The following SIK2 variants were observed in gnomAD, a reference collection of about 807,000 sequenced individuals.
SIK2 encodes the protein serine/threonine-protein kinase SIK2.
SIK2 carries 29 observed loss-of-function variants against 103.2 expected under a neutral mutation model. The ratio of observed to expected loss-of-function variants is 0.28; its 90% CI spans 0.21 to 0.38. The LOEUF (loss-of-function observed/expected upper bound fraction) is 0.38. SIK2 is among the 10% of genes least tolerant of loss of function. The pLI is 1.00. For synonymous variants in SIK2, 412 were observed against 446.1 expected (o/e 0.92, Z 0.96); for missense variants, 879 against 1,171.0 (o/e 0.75, Z 3.64).
intron 1 of SIK2, among the ~76,000 whole-genome samples, chr11:111,605,810 G>A (rs1941641793): frequency 6.6e-6 from 1 of 152,156 alleles, no homozygotes; most frequent in African/African-American, 2.4e-5. Flanking sequence ...CGTTTTGGTC[G>A]AATCTATCAA....
chr11:111,612,915 GATATATATATATATATAT>G (rs67675103), intron 1 of SIK2, among the ~76,000 whole-genome samples: 2 of 50,028 alleles, frequency 4.0e-5, no homozygotes, highest in Admixed American at 2.4e-4. Flanking sequence ...ATAGCAATGG[GATATATATATATATATAT>G]ATATATATAT....
intron 3 of SIK2, among the ~76,000 whole-genome samples, chr11:111,655,101 C>CA: frequency 6.6e-6 from 1 of 152,090 alleles, no homozygotes; most frequent in Middle Eastern, 3.4e-3. Context: ...TAAAATTTTT[C>CA]AAAAAAATGT....
At chr11:111,646,356 G>A (rs542639061) in intron 3 of SIK2, among the ~76,000 whole-genome samples, 22 of 152,302 alleles carry the variant, frequency 1.4e-4, no homozygotes, top group African/African-American at 3.6e-4. Context: ...GGCTGAAGCA[G>A]GAGAATCGCT....
chr11:111,723,893 T>G lies in SIK2; in HGVS notation c.2545T>G (p.Cys849Gly). The G allele has an allele frequency of 6.2e-7, 1 of 1,613,656 alleles. No homozygotes were observed. The highest frequency in any genetic ancestry group is 8.5e-7 in the Non-Finnish European group (1 of 1,179,810). Residue 849 changes from cysteine to glycine, a missense_variant, in exon 15 of 15, where the codon TGT (cysteine) becomes GGT (glycine). Cys to Gly is a radical substitution (Grantham distance 159). This residue lies in a region of SIK2 where 375 missense variants were observed against 416.3 expected (regional missense o/e 0.90). Coordinates refer to ENST00000304987, the MANE Select transcript of SIK2 (RefSeq NM_015191.3). ...PAPLQFSYQTCELPSAASPAP... is the reference protein window; with the variant it reads ...PAPLQFSYQTGELPSAASPAP... ...CCCCTTACAGTTCTCCTATCAGACT[T>G]GTGAGCTGCCAAGCGCTGCTTCCCC...
In SIK2 at chr11:111,729,339, C is replaced by T. The variant is rs1309144375; in HGVS notation, c.*5210C>T. ...AGGGAGAGCTGTGATGGGTTCTGCCCAGATACTCTGCTCGCCCACCCACAA... is the reference window on the plus strand; with the variant it reads ...AGGGAGAGCTGTGATGGGTTCTGCCTAGATACTCTGCTCGCCCACCCACAA... On this transcript the variant is annotated 3_prime_UTR_variant, in exon 15 of 15. Coordinates refer to ENST00000304987, the MANE Select transcript of SIK2 (RefSeq NM_015191.3). The T allele has an allele frequency of 2.6e-5, 4 of 152,240 alleles. No homozygotes were observed. Among genetic ancestry groups the T allele is most frequent in the African/African-American group, 9.7e-5 (4 of 41,450 alleles). 9.4% of individuals were successfully genotyped at this position (152,240 alleles called of 1,614,324 possible).
At chr11:111,649,175 T>C (rs935703922) in intron 3 of SIK2, among the ~76,000 whole-genome samples, 82 of 152,310 alleles carry the variant, frequency 5.4e-4, no homozygotes, top group African/African-American at 1.8e-3. Flanking sequence ...CTTTTTTCTG[T>C]GCATTTGTCT....
rs912005872 is a variant in SIK2, at chr11:111,722,988, C to T, written c.2147+232C>T. Reference sequence around the variant, plus strand: ...GTACTTTGTTTTCCTTTTCTTCTAGCGTTTCCTCTTTGGGGTATGACTAGC... The same window carrying T: ...GTACTTTGTTTTCCTTTTCTTCTAGTGTTTCCTCTTTGGGGTATGACTAGC... On this transcript the variant is annotated intron_variant, in intron 14 of 14. Coordinates refer to ENST00000304987, the MANE Select transcript of SIK2 (RefSeq NM_015191.3). This position sits in a 1 kb window ranked among gnomAD's most constrained non-coding sequence, Gnocchi z 4.4. 5.3e-5 allele frequency among the ~76,000 whole-genome samples: 8 copies of T among 152,198 alleles called. No individual in the cohort carries two copies. Among genetic ancestry groups the T allele is most frequent in the African/African-American group, 1.7e-4 (7 of 41,438 alleles).
intron 7 of SIK2, among the ~76,000 whole-genome samples, chr11:111,704,400 G>A (rs1943291565): frequency 6.6e-6 from 1 of 152,176 alleles, no homozygotes; most frequent in South Asian, 2.1e-4. Flanking sequence ...GAACATTTGG[G>A]AAGCAACTTT....
intron 3 of SIK2, among the ~76,000 whole-genome samples, chr11:111,654,611 A>G (rs986742366): frequency 6.6e-6 from 1 of 152,246 alleles, no homozygotes; most frequent in African/African-American, 2.4e-5. Context: ...TTGTTTAATC[A>G]GTATAAAACA....
intron 1 of SIK2, among the ~76,000 whole-genome samples, chr11:111,609,434 A>G (rs1401542426): frequency 6.6e-6 from 1 of 151,800 alleles, no homozygotes; most frequent in African/African-American, 2.4e-5. Flanking sequence ...TGATCTTCCC[A>G]CTTCAGCCTT....
chr11:111,668,176 A>AGG (rs1555030379), intron 3 of SIK2, among the ~76,000 whole-genome samples: 2,916 of 44,324 alleles, frequency 0.066, 49 homozygotes, highest in African/African-American at 0.097. Context: ...AACTAAAGTA[A>AGG]GGAGTGTGTG....
chr11:111,636,558 CA>C (rs1942111378), intron 3 of SIK2, among the ~76,000 whole-genome samples: 2 of 152,140 alleles, frequency 1.3e-5, no homozygotes, highest in Non-Finnish European at 2.9e-5. Context: ...GTCAGTGTTT[CA>C]AAGACAAATA....
At chr11:111,672,230 C>T in intron 3 of SIK2, 1 of 377,956 alleles carries the variant, frequency 2.6e-6, no homozygotes, top group Non-Finnish European at 4.9e-6. Context: ...AGCATAGCCT[C>T]CACTCAGACC....
At position 111,622,543 on chromosome 11, in the gene SIK2, C is replaced by T. The variant is rs138563141; in HGVS notation, c.316+2141C>T. On this transcript the variant is annotated intron_variant, in intron 3 of 14. Coordinates refer to ENST00000304987, the MANE Select transcript of SIK2 (RefSeq NM_015191.3). Reference sequence around the variant, plus strand: ...TGCTGGGATTACAGGCGTGAGCCACCGCACCCGGCGTCTGAAGGATTTTCT... The same window carrying T: ...TGCTGGGATTACAGGCGTGAGCCACTGCACCCGGCGTCTGAAGGATTTTCT... 6.9e-3 allele frequency among the ~76,000 whole-genome samples: 1,050 copies of T among 152,106 alleles called. 13 individuals carry two copies. The highest frequency in any genetic ancestry group is 0.024 in the African/African-American group (1,004 of 41,520).
At chr11:111,702,425 A>G (rs552873082) in intron 6 of SIK2, among the ~76,000 whole-genome samples, 1 of 152,136 alleles carries the variant, frequency 6.6e-6, no homozygotes, top group Non-Finnish European at 1.5e-5. Flanking sequence ...TCTCTACAAA[A>G]AAGTTTTTTT....
chr11:111,658,214 C>T (rs2135868897), intron 3 of SIK2, among the ~76,000 whole-genome samples: 1 of 151,942 alleles, frequency 6.6e-6, no homozygotes, highest in Middle Eastern at 3.4e-3. Flanking sequence ...CAACCTCCGC[C>T]TCCTGGGTTC....
chr11:111,626,875 C>T, intron 3 of SIK2, among the ~76,000 whole-genome samples: 1 of 152,108 alleles, frequency 6.6e-6, no homozygotes, highest in East Asian at 1.9e-4. Context: ...CCTTATACTG[C>T]TCCATGCTTC....
chr11:111,654,345 T>C (rs10502145), intron 3 of SIK2, among the ~76,000 whole-genome samples: 48,995 of 152,116 alleles, frequency 0.32, 9,365 homozygotes, highest in East Asian at 0.63. Context: ...CTGATTGTTA[T>C]ATTATCTCCT....
chr11:111,715,313 AC>A (rs1458511395), intron 9 of SIK2, among the ~76,000 whole-genome samples: 3 of 152,210 alleles, frequency 2.0e-5, no homozygotes, highest in African/African-American at 7.2e-5. Context: ...AAGTGCACAC[AC>A]ACACACAGAA....
Sources: allele counts gnomAD v4.1 joint callset (sites outside exome capture counted in the v4.1 genomes callset), GRCh38; gene constraint gnomAD v4.1.1; regional missense constraint gnomAD v4.1.1; non-coding constraint Gnocchi (gnomAD v3.1); transcripts MANE v1.5; gene names NCBI Gene and HGNC (gene_info 2026-07-23, HGNC 2026-07-21).